The following PHF3 variants were observed in gnomAD, a reference collection of about 807,000 sequenced individuals.
PHF3 encodes PHD finger protein 3.
In PHF3, 41 loss-of-function variants were observed where a neutral mutation model predicts 178.4. The ratio of observed to expected loss-of-function variants is 0.23; its 90% CI spans 0.18 to 0.30. The LOEUF (loss-of-function observed/expected upper bound fraction) is 0.30. Among genes scored for constraint, PHF3 ranks in the 10% least tolerant of loss-of-function variants. The probability of loss-of-function intolerance (pLI) is 1.00; values close to 1 mark genes in which losing one functional copy is unlikely to be tolerated. For synonymous variants in PHF3, 842 were observed against 800.5 expected, an observed-to-expected ratio of 1.05 and a Z score of -0.88; for missense variants, 2,346 against 2,398.1, an observed-to-expected ratio of 0.98 and a Z score of 0.45.
chr6:63,689,348 A>C (rs932455440), intron 4 of PHF3, among the ~76,000 whole-genome samples: 3 of 152,142 alleles, frequency 2.0e-5, no homozygotes, highest in African/African-American at 7.2e-5. Context: ...TCTTGGCCCC[A>C]ATTGTAGAAG....
chr6:63,720,789 T>C lies in PHF3; in HGVS notation c.*7081T>C. 3 of 1,550,992 alleles carry C rather than the reference T, an allele frequency of 1.9e-6. No individual in the cohort carries two copies. Among genetic ancestry groups the C allele is most frequent in the South Asian group, 2.4e-5 (2 of 84,036 alleles). The stretch of plus-strand genomic sequence containing the variant: ...GCCCCCTAGATAACAAATGCCATCA[T>C]AGTTTAGAGCCACAAAGTTTTTATG... On this transcript the variant is annotated 3_prime_UTR_variant, in exon 16 of 16. Coordinates refer to ENST00000262043, the MANE Select transcript of PHF3 (RefSeq NM_001370348.2).
chr6:63,715,865 C>G lies in PHF3; in HGVS notation c.*2157C>G, dbSNP rs373997072. Among the ~76,000 whole-genome samples the G allele has an allele frequency of 6.6e-6, 1 of 152,098 alleles. No individual in the cohort carries two copies. The highest frequency in any genetic ancestry group is 2.4e-5 in the African/African-American group (1 of 41,434). On this transcript the variant is annotated 3_prime_UTR_variant, in exon 16 of 16. Coordinates refer to ENST00000262043, the MANE Select transcript of PHF3 (RefSeq NM_001370348.2). The stretch of plus-strand genomic sequence containing the variant: ...TGAGTAGTAGATCCAAAGCCATTCT[C>G]AGTCCCAGGTACAACCAGCCTTACA...
intron 2 of PHF3, among the ~76,000 whole-genome samples, chr6:63,670,392 C>A (rs992911744): frequency 1.3e-5 from 2 of 152,178 alleles, no homozygotes; most frequent in African/African-American, 4.8e-5. Context: ...CCTCAACCTC[C>A]CAAGTAGCTG....
intron 2 of PHF3, among the ~76,000 whole-genome samples, chr6:63,653,088 T>A (rs886730288): frequency 1.3e-5 from 2 of 151,272 alleles, no homozygotes; most frequent in Admixed American, 6.6e-5. Context: ...TTTTTTCTAT[T>A]TCTGTAAATA....
rs1768332330 is a variant in PHF3 at position 63,720,555 on chromosome 6, T to C, written c.*6847T>C. On this transcript the variant is annotated 3_prime_UTR_variant, in exon 16 of 16. Coordinates refer to ENST00000262043, the MANE Select transcript of PHF3 (RefSeq NM_001370348.2). ...TCAAAGAAATAACTATCAAAATAAC[T>C]GCATTTATGTATAGTGTGTACTAAA... is the stretch of plus-strand genomic sequence containing the variant. 2.2e-6 allele frequency: 3 copies of C among 1,358,628 alleles called. No individual in the cohort carries two copies. Among genetic ancestry groups the C allele is most frequent in the South Asian group, 3.3e-5 (2 of 61,490 alleles). The allele number at this position is 1,358,628 out of a possible 1,614,324, so 84.2% of individuals were successfully genotyped here.
Position 63,716,955 on chromosome 6 carries a change from T to A in PHF3, c.*3247T>A, listed in dbSNP as rs916997752. Among the ~76,000 whole-genome samples, 15 of 152,100 alleles carry A rather than the reference T, an allele frequency of 9.9e-5. No individual in the cohort carries two copies. The highest frequency in any genetic ancestry group is 3.4e-4 in the African/African-American group (14 of 41,434). ...CCTATTCCCATGTAACCTAACATAT[T>A]TACAGGTGTTCCAAGGATTGGGGTG... On this transcript the variant is annotated 3_prime_UTR_variant, in exon 16 of 16. Coordinates refer to ENST00000262043, the MANE Select transcript of PHF3 (RefSeq NM_001370348.2).
chr6:63,653,006 A>G (rs1428379608), intron 2 of PHF3, among the ~76,000 whole-genome samples: 2 of 132,980 alleles, frequency 1.5e-5, no homozygotes, highest in African/African-American at 5.8e-5. Context: ...TTTGCTCAGG[A>G]TTATGTTGGC....
Position 63,712,644 on chromosome 6 carries a change from CACA to C in PHF3, c.5061_5063del (p.Asn1687del), listed in dbSNP as rs1012816495. 2.3e-5 allele frequency: 37 copies of C among 1,613,736 alleles called. No individual in the cohort carries two copies. The highest frequency in any genetic ancestry group is 3.1e-5 in the Non-Finnish European group (36 of 1,179,944). On this transcript the variant is annotated inframe_deletion, in exon 16 of 16. Transcript: ENST00000262043. The stretch of plus-strand genomic sequence containing the variant: ...AAAACACATGCTGCCTGGCCTGTCA[CACA>C]ACAAGGAGCACTTAACAGAACAAAT...
rs1767156248 is a variant in PHF3 at position 63,694,670 on chromosome 6, A to C, written c.2586A>C (p.Pro862=). The C allele has an allele frequency of 1.2e-6, 2 of 1,603,588 alleles. No individual in the cohort carries two copies. Among genetic ancestry groups the C allele is most frequent in the South Asian group, 2.2e-5 (2 of 89,538 alleles). ...QLAPLRKMGQ[P]VLPRRSSEEK... is the part of the protein sequence containing the mutation. ...CTCCTCTTCGTAAGATGGGACAACC[A>C]GTTTTACCTCGGAGATCCTCAGAAG... Residue 862 remains proline, a synonymous_variant, in exon 6 of 16, where the codon CCA becomes CCC. Coordinates refer to ENST00000262043, the MANE Select transcript of PHF3 (RefSeq NM_001370348.2).
intron 8 of PHF3, among the ~76,000 whole-genome samples, 181 bp downstream of exon 8, chr6:63,698,786 T>G (rs1767346001): frequency 6.6e-6 from 1 of 152,158 alleles, no homozygotes; most frequent in African/African-American, 2.4e-5. Context: ...ACTAATAGCA[T>G]TAACCATTCA....
In PHF3 at chr6:63,719,897, A is replaced by G. The variant is rs1749129672; in HGVS notation, c.*6189A>G. On this transcript the variant is annotated 3_prime_UTR_variant, in exon 16 of 16. Transcript: ENST00000262043. ...CCATTTTTAATTCTTTTAGATATTT[A>G]GGATATTTGCCTTCATGTTTGTGAT... is the stretch of plus-strand genomic sequence containing the variant. 6.6e-6 allele frequency: 1 copy of G among 152,102 alleles called. No homozygotes were observed. Among genetic ancestry groups the G allele is most frequent in the African/African-American group, 2.4e-5 (1 of 41,444 alleles). 9.4% of individuals were successfully genotyped at this position (152,102 alleles called of 1,614,324 possible).
chr6:63,712,652 G>A lies in PHF3; in HGVS notation c.5064G>A (p.Lys1688=), dbSNP rs746298736. The change falls in exon 16 of 16, where the codon AAG becomes AAA. Residue 1688 remains lysine (K), a synonymous_variant. Coordinates refer to ENST00000262043, the MANE Select transcript of PHF3 (RefSeq NM_001370348.2). ...TGCTGCCTGGCCTGTCACACAACAAGGAGCACTTAACAGAACAAATCAATG... is the reference window on the plus strand; with the variant it reads ...TGCTGCCTGGCCTGTCACACAACAAAGAGCACTTAACAGAACAAATCAATG... ...KHMLPGLSHN[K]EHLTEQINVE... The A allele has an allele frequency of 1.2e-6, 2 of 1,613,898 alleles. No individual in the cohort carries two copies. Among genetic ancestry groups the A allele is most frequent in the East Asian group, 4.5e-5 (2 of 44,842 alleles).
Position 63,720,983 on chromosome 6 carries a change from C to T in PHF3, c.*7275C>T, listed in dbSNP as rs1174889920. ...CCAAGTTAACTGCTATTTTCAAGGTCTGATTATGGAGACCAATTGCCAGAA... is the reference window on the plus strand; with the variant it reads ...CCAAGTTAACTGCTATTTTCAAGGTTTGATTATGGAGACCAATTGCCAGAA... On this transcript the variant is annotated 3_prime_UTR_variant, in exon 16 of 16. Coordinates refer to ENST00000262043, the MANE Select transcript of PHF3 (RefSeq NM_001370348.2). 1.3e-6 allele frequency: 2 copies of T among 1,551,238 alleles called. No individual in the cohort carries two copies. The highest frequency in any genetic ancestry group is 1.4e-5 in the African/African-American group (1 of 73,016).
At chr6:63,669,736 A>G (rs760447607) in intron 2 of PHF3, among the ~76,000 whole-genome samples, 1 of 152,332 alleles carries the variant, frequency 6.6e-6, no homozygotes, top group Non-Finnish European at 1.5e-5. Flanking sequence ...TACCCATTCT[A>G]AACTGTTCAT....
At position 63,684,266 on chromosome 6, in the gene PHF3, AAAG is replaced by A. The variant is rs776032528; in HGVS notation, c.551_553del (p.Glu184del). ...GAAACAACCAGAAAGGAGTCAGGTT[AAAG>A]AAGAAGTATGTATGTCACTGAAACC... is the stretch of plus-strand genomic sequence containing the variant. On this transcript the variant is annotated inframe_deletion, in exon 4 of 16. Transcript: ENST00000262043. 14 of 1,613,918 alleles carry A rather than the reference AAAG, an allele frequency of 8.7e-6. No homozygotes were observed. The highest frequency in any genetic ancestry group is 3.3e-5 in the Admixed American group (2 of 60,000).
chr6:63,711,776 T>C lies in PHF3; in HGVS notation c.4188T>C (p.Asn1396=). Residue 1396 remains asparagine, a synonymous_variant, in exon 16 of 16, where the codon AAT becomes AAC. Transcript: ENST00000262043. The part of the protein sequence containing the change: ...VSTEEAPEEE[N]DFFNSFTTVL... ...CAGAAGAAGCACCAGAGGAAGAAAA[T>C]GACTTTTTTAATTCTTTTACAACTG... The C allele has an allele frequency of 3.1e-6, 5 of 1,612,882 alleles. No individual in the cohort carries two copies. The South Asian group carries it at 5.5e-5, about 18-fold the overall frequency.
At chr6:63,645,277 T>G (rs1764736868) in intron 1 of PHF3, among the ~76,000 whole-genome samples, 1 of 152,192 alleles carries the variant, frequency 6.6e-6, no homozygotes, top group African/African-American at 2.4e-5. Context: ...GCTGTGGAGC[T>G]TGAAACCCAG....
chr6:63,696,412 TG>T (rs1296596225), intron 6 of PHF3, among the ~76,000 whole-genome samples: 1 of 152,162 alleles, frequency 6.6e-6, no homozygotes, highest in African/African-American at 2.4e-5. Context: ...CTTGAACTCC[TG>T]GGCTCAAGCT....
At chr6:63,711,430 C>G (rs1217495196) in intron 15 of PHF3, 68 bp downstream of exon 15, 4 of 1,393,394 alleles carry the variant, frequency 2.9e-6, no homozygotes, top group Non-Finnish European at 3.9e-6. Flanking sequence ...AGTGAAAAGA[C>G]TGATTCTGCC....
Sources: gnomAD v4.1 joint callset for allele counts (sites outside exome capture counted in the v4.1 genomes callset) on GRCh38, gnomAD v4.1.1 for gene constraint, MANE v1.5 for transcripts, NCBI Gene and HGNC (gene_info 2026-07-23, HGNC 2026-07-21) for gene names.